SSH1: variants seen among roughly 807,000 people sequenced by gnomAD.
SSH1 encodes the protein protein phosphatase Slingshot homolog 1.
A neutral mutation model predicts 79.7 loss-of-function variants in SSH1; 43 were observed. The observed-to-expected ratio is 0.54, with a 90% CI of 0.42 to 0.70. SSH1 has a LOEUF of 0.70. SSH1 is among the 30% of genes least tolerant of loss of function. The pLI, the probability that SSH1 is intolerant of heterozygous loss-of-function variation, is 0.00. For missense variants in SSH1, 1,206 were observed against 1,358.8 expected (o/e 0.89, Z 1.77); for synonymous variants, 599 against 538.3 (o/e 1.11, Z -1.56).
At position 108,783,181 on chromosome 12, in the gene SSH1, TC is replaced by T. The variant is rs1407194915; in HGVS notation, c.*4806del. The T allele has an allele frequency of 6.6e-6, 1 of 152,112 alleles. No homozygotes were observed. Among genetic ancestry groups the T allele is most frequent in the Non-Finnish European group, 1.5e-5 (1 of 68,030 alleles). The allele number at this position is 152,112 out of a possible 1,614,324, so 9.4% of individuals were successfully genotyped here. Reference sequence around the variant, plus strand: ...GACCAAGCTACGTTCTTTCATTGGCTCCTATGGGACACAGCATGGGCCAATG... The same window carrying T: ...GACCAAGCTACGTTCTTTCATTGGCTCTATGGGACACAGCATGGGCCAATG... On this transcript the variant is annotated 3_prime_UTR_variant, in exon 15 of 15. Coordinates refer to ENST00000326495, the MANE Select transcript of SSH1 (RefSeq NM_018984.4).
Position 108,806,281 on chromosome 12 carries a change from G to A in SSH1, c.825+20C>T. On this transcript the variant is annotated intron_variant, in intron 9 of 14. Transcript: ENST00000326495. ...GGCTGCATGACCTCTGACCTGCAAT[G>A]AAGGGAGGAGTTGTCTTACCTCTTT... is the stretch of plus-strand genomic sequence containing the variant. 6.2e-7 allele frequency: 1 copy of A among 1,609,612 alleles called. No homozygotes were observed. The highest frequency in any genetic ancestry group is 8.5e-7 in the Non-Finnish European group (1 of 1,175,830).
intron 6 of SSH1, among the ~76,000 whole-genome samples, chr12:108,810,530 G>GA (rs201381893): frequency 0.028 from 4,287 of 150,796 alleles, 228 homozygotes; most frequent in African/African-American, 0.099. Flanking sequence ...GAAAAAAAGA[G>GA]AAAAAAAAAT....
intron 14 of SSH1, chr12:108,791,948 A>C (rs2036520707): frequency 1.5e-6 from 2 of 1,313,962 alleles, no homozygotes; most frequent in Admixed American, 3.5e-5. Context: ...ATATGTTTTA[A>C]TTTTACATAC....
At position 108,788,114 on chromosome 12, in the gene SSH1, A is replaced by G; in HGVS notation, c.3024T>C (p.Thr1008=). 1 of 1,614,026 alleles carries G rather than the reference A, an allele frequency of 6.2e-7. No individual in the cohort carries two copies. The highest frequency in any genetic ancestry group is 8.5e-7 in the Non-Finnish European group (1 of 1,179,986). ...CATGCAAGAAGGAAGATTCACTCAAAGTGGTGTCCTGGGAGTCAGCGACGG... is the reference window on the plus strand; with the variant it reads ...CATGCAAGAAGGAAGATTCACTCAAGGTGGTGTCCTGGGAGTCAGCGACGG... ...PSTVADSQDT[T]LSESSFLHEP... Residue 1008 remains threonine, a synonymous_variant, in exon 15 of 15, where the codon ACT becomes ACC. Coordinates refer to ENST00000326495, the MANE Select transcript of SSH1 (RefSeq NM_018984.4).
Position 108,787,773 on chromosome 12 carries a change from G to A in SSH1, c.*215C>T, listed in dbSNP as rs2036324533. The A allele has an allele frequency of 1.6e-6, 1 of 631,038 alleles. No homozygotes were observed. Among genetic ancestry groups the A allele is most frequent in the South Asian group, 2.0e-5 (1 of 50,224 alleles). 39.1% of individuals were successfully genotyped at this position (631,038 alleles called of 1,614,324 possible). ...TGTGTCTCCTGGCCGGCGGCTCCTG[G>A]TTCTCCCAGGCCACACGACTGACAG... On this transcript the variant is annotated 3_prime_UTR_variant, in exon 15 of 15. Coordinates refer to ENST00000326495, the MANE Select transcript of SSH1 (RefSeq NM_018984.4).
At chr12:108,809,386 G>A (rs374614310) in intron 7 of SSH1, among the ~76,000 whole-genome samples, 1 of 151,276 alleles carries the variant, frequency 6.6e-6, no homozygotes, top group African/African-American at 2.4e-5. Context: ...GAGCCTGGGA[G>A]GTCAAGGCTG....
At chr12:108,840,946 G>A (rs185606167) in intron 2 of SSH1, among the ~76,000 whole-genome samples, 1 of 152,262 alleles carries the variant, frequency 6.6e-6, no homozygotes, top group African/African-American at 2.4e-5. Flanking sequence ...CTCTCACCGT[G>A]GGAATAAAAC....
rs1014827417 is a variant in SSH1 at position 108,835,877 on chromosome 12, TATTA to T, written c.111-12520_111-12517del. 3.9e-4 allele frequency among the ~76,000 whole-genome samples: 42 copies of T among 108,756 alleles called. 4 individuals are homozygous for T. The highest frequency in any genetic ancestry group is 9.5e-4 in the Admixed American group (10 of 10,478). The allele number at this position is 108,756 out of a possible 152,430, so 71.3% of individuals were successfully genotyped here. On this transcript the variant is annotated intron_variant, in intron 2 of 14. Transcript: ENST00000326495. ...TGATATATAGCATATATACATATTA[TATTA>T]ATTAATTATAACTATATTAATATAA...
chr12:108,819,270 C>T (rs907547938), intron 3 of SSH1, among the ~76,000 whole-genome samples: 9 of 152,176 alleles, frequency 5.9e-5, no homozygotes, highest in Non-Finnish European at 1.2e-4. Flanking sequence ...TAACCAGGGA[C>T]GGCTTCTGAA....
At chr12:108,793,448 G>A (rs2136990167) in intron 13 of SSH1, among the ~76,000 whole-genome samples, 1 of 149,220 alleles carries the variant, frequency 6.7e-6, no homozygotes, top group Admixed American at 6.7e-5. Flanking sequence ...TCCAGGCAGT[G>A]CAGTGGTGTG....
intron 2 of SSH1, among the ~76,000 whole-genome samples, chr12:108,843,174 A>C (rs931831784): frequency 6.6e-6 from 1 of 152,162 alleles, no homozygotes; most frequent in Non-Finnish European, 1.5e-5. Flanking sequence ...TATTTGTTGA[A>C]TGAATAGCTC....
At chr12:108,812,375 A>G (rs896567092) in intron 5 of SSH1, among the ~76,000 whole-genome samples, 1 of 152,266 alleles carries the variant, frequency 6.6e-6, no homozygotes, top group Non-Finnish European at 1.5e-5. Context: ...GACAGGCAGA[A>G]GCCAGGTCAG....
chr12:108,782,848 CAA>C lies in SSH1; in HGVS notation c.*5138_*5139del, dbSNP rs751285483. The C allele has an allele frequency of 6.6e-6, 1 of 151,916 alleles. No individual in the cohort carries two copies. Among genetic ancestry groups the C allele is most frequent in the Non-Finnish European group, 1.5e-5 (1 of 67,960 alleles). 9.4% of individuals were successfully genotyped at this position (151,916 alleles called of 1,614,324 possible). The stretch of plus-strand genomic sequence containing the variant: ...CCTTTAAATATATTATTTAAAAAAA[CAA>C]GAAGAAAAACAATAAAAAAAATCAT... On this transcript the variant is annotated 3_prime_UTR_variant, in exon 15 of 15. Coordinates refer to ENST00000326495, the MANE Select transcript of SSH1 (RefSeq NM_018984.4).
chr12:108,828,495 A>C (rs565314566), intron 2 of SSH1, among the ~76,000 whole-genome samples: 1 of 152,374 alleles, frequency 6.6e-6, no homozygotes, highest in South Asian at 2.1e-4. Flanking sequence ...CCTAATGGCA[A>C]AGCCACTAAG....
chr12:108,814,724 G>A (rs2037803157), intron 5 of SSH1, among the ~76,000 whole-genome samples: 1 of 152,240 alleles, frequency 6.6e-6, no homozygotes, highest in Non-Finnish European at 1.5e-5. Flanking sequence ...CTCCTGCTCA[G>A]AGGGTGCAGA....
At chr12:108,833,498 A>T (rs1247365744) in intron 2 of SSH1, among the ~76,000 whole-genome samples, 3 of 152,212 alleles carry the variant, frequency 2.0e-5, no homozygotes, top group African/African-American at 7.2e-5. Flanking sequence ...TATGGTATGC[A>T]GCCCCATACC....
At position 108,781,365 on chromosome 12, in the gene SSH1, G is replaced by A. The variant is rs975941163; in HGVS notation, c.*6623C>T. 2.0e-5 allele frequency: 3 copies of A among 152,216 alleles called. No homozygotes were observed. Among genetic ancestry groups the A allele is most frequent in the Non-Finnish European group, 4.4e-5 (3 of 68,042 alleles). 9.4% of individuals were successfully genotyped at this position (152,216 alleles called of 1,614,324 possible). On this transcript the variant is annotated 3_prime_UTR_variant, in exon 15 of 15. Transcript: ENST00000326495. The stretch of plus-strand genomic sequence containing the variant: ...GAGCCCAGGAGATCAACACTTCAGT[G>A]AGCCATGACTGCCACTGCACTCCAG...
At chr12:108,822,066 CTTTT>C (rs991472961) in intron 3 of SSH1, among the ~76,000 whole-genome samples, 4 of 152,256 alleles carry the variant, frequency 2.6e-5, no homozygotes, top group African/African-American at 7.2e-5. Context: ...CTCTTTCTTT[CTTTT>C]TGAGATAGGG....
intron 10 of SSH1, 123 bp from the exon 11 acceptor site, chr12:108,802,491 G>A (rs2037057513): frequency 3.8e-6 from 3 of 792,520 alleles, no homozygotes; most frequent in African/African-American, 3.4e-5. Context: ...ATTGGCCTCA[G>A]AGAACAGAGA....
Sources: allele counts gnomAD v4.1 joint callset (sites outside exome capture counted in the v4.1 genomes callset), GRCh38; gene constraint gnomAD v4.1.1; transcripts MANE v1.5; gene names NCBI Gene and HGNC (gene_info 2026-07-23, HGNC 2026-07-21).